ACO2: variants seen among roughly 807,000 people sequenced by gnomAD.
The protein encoded by ACO2 is aconitate hydratase, mitochondrial.
ACO2 carries 31 observed loss-of-function variants against 84.5 expected under a neutral mutation model. The ratio of observed to expected loss-of-function variants is 0.37; its 90% confidence interval spans 0.28 to 0.50. The LOEUF is 0.50. Ranked by LOEUF, ACO2 falls within the 20% of genes least tolerant of loss-of-function variation. The pLI is 0.97. For missense variants in ACO2, 685 were observed against 1,029.3 expected, an observed-to-expected ratio of 0.67 and a Z score of 4.58; for synonymous variants, 414 against 412.7, an observed-to-expected ratio of 1.00 and a Z score of -0.04.
At chr22:41,472,276 C>A (rs1398130227) in intron 1 of ACO2, among the ~76,000 whole-genome samples, 1 of 151,908 alleles carries the variant, frequency 6.6e-6, no homozygotes, top group Non-Finnish European at 1.5e-5. Flanking sequence ...TCCCTTGAAC[C>A]CAGGAGGCGG....
At chr22:41,499,300 A>G (rs1336745558) in intron 1 of ACO2, among the ~76,000 whole-genome samples, 1 of 152,212 alleles carries the variant, frequency 6.6e-6, no homozygotes, top group Non-Finnish European at 1.5e-5. Flanking sequence ...CTTATAGTGC[A>G]GGTAGACTAA....
At chr22:41,480,684 G>C (rs2038076318) in intron 1 of ACO2, among the ~76,000 whole-genome samples, 1 of 152,160 alleles carries the variant, frequency 6.6e-6, no homozygotes, top group Non-Finnish European at 1.5e-5. Context: ...TTTTGTAATA[G>C]AATGCAGTAT....
chr22:41,522,539 C>T (rs926227713), intron 9 of ACO2, among the ~76,000 whole-genome samples: 3 of 152,226 alleles, frequency 2.0e-5, no homozygotes, highest in Admixed American at 6.5e-5. Context: ...AGCCCTCTGA[C>T]GTGCCTACAC....
chr22:41,523,733 G>C, intron 11 of ACO2, 97 bp from the exon 12 acceptor site: 1 of 1,136,536 alleles, frequency 8.8e-7, no homozygotes, highest in Non-Finnish European at 1.3e-6. Flanking sequence ...GTAGGAGCTA[G>C]GCTGGGCTGC....
chr22:41,519,063 G>A (rs577936391), intron 8 of ACO2, among the ~76,000 whole-genome samples: 7 of 152,336 alleles, frequency 4.6e-5, no homozygotes, highest in South Asian at 4.1e-4. Flanking sequence ...ACACAGCCAC[G>A]GGGAGAGCAG....
chr22:41,526,977 G>A (rs1052330879), intron 15 of ACO2: 34 of 462,582 alleles, frequency 7.4e-5, no homozygotes, highest in East Asian at 4.0e-4. Flanking sequence ...TGTGGGGCCC[G>A]GAGGCCGTCC....
chr22:41,489,871 T>G (rs1418199691), intron 1 of ACO2, among the ~76,000 whole-genome samples: 1 of 152,188 alleles, frequency 6.6e-6, no homozygotes, highest in African/African-American at 2.4e-5. Flanking sequence ...ACAAAGGGTT[T>G]GCACATTTCA....
intron 1 of ACO2, among the ~76,000 whole-genome samples, chr22:41,494,890 C>A (rs1055056377): frequency 6.6e-6 from 1 of 151,480 alleles, no homozygotes; most frequent in Non-Finnish European, 1.5e-5. Context: ...TCTGCCACCA[C>A]ACCCTGCTAA....
chr22:41,474,514 C>T (rs912694999), intron 1 of ACO2, among the ~76,000 whole-genome samples: 2 of 147,824 alleles, frequency 1.4e-5, no homozygotes, highest in Non-Finnish European at 3.0e-5. Context: ...AGGATGGTCT[C>T]AATCTCCTGA....
chr22:41,472,366 A>T (rs1253166953), intron 1 of ACO2, among the ~76,000 whole-genome samples: 2 of 152,064 alleles, frequency 1.3e-5, no homozygotes, highest in African/African-American at 2.4e-5. Flanking sequence ...AAAAAAAAAA[A>T]AAAATTGCCT....
In ACO2 at chr22:41,515,737, C is replaced by G; in HGVS notation, c.685-30C>G. On this transcript the variant is annotated intron_variant, in intron 5 of 17. Transcript: ENST00000216254. This position sits in a 1 kb window ranked among gnomAD's most constrained non-coding sequence, Gnocchi z 5.8. The stretch of plus-strand genomic sequence containing the variant: ...TGGCTGGCACAGGCACACACGGCCT[C>G]TCACAGCCGCCTCGCCCCCTCCTGT... 6.2e-7 allele frequency: 1 copy of G among 1,612,262 alleles called. No homozygotes were observed. The highest frequency in any genetic ancestry group is 8.5e-7 in the Non-Finnish European group (1 of 1,179,780).
intron 1 of ACO2, among the ~76,000 whole-genome samples, chr22:41,491,222 A>G (rs1245129064): frequency 2.0e-5 from 3 of 152,052 alleles, no homozygotes; most frequent in South Asian, 2.1e-4. Flanking sequence ...GTTCTGGCCA[A>G]GGAGGTTCAT....
chr22:41,528,759 C>A lies in ACO2; in HGVS notation c.*146C>A. 1 of 1,219,570 alleles carries A rather than the reference C, an allele frequency of 8.2e-7. No homozygotes were observed. The highest frequency in any genetic ancestry group is 1.1e-6 in the Non-Finnish European group (1 of 904,608). 75.5% of individuals were successfully genotyped at this position (1,219,570 alleles called of 1,614,324 possible). ...GCTCCCCGCTTAGCCCACGGAGTGA[C>A]TGTGGTTGTGGTGGGGGGGTTCTTA... On this transcript the variant is annotated 3_prime_UTR_variant, in exon 18 of 18. Transcript: ENST00000216254.
Position 41,524,847 on chromosome 22 carries a change from T to G in ACO2, c.1484T>G (p.Ile495Ser). 1.2e-6 allele frequency: 2 copies of G among 1,614,102 alleles called. No individual in the cohort carries two copies. ...ETHAFVTSPE[I>S]VTALAIAGTL... ...ACAAACTGGCCACCTCCATTTCAGA[T>G]TGTCACAGCCCTGGCCATTGCGGGA... The change falls in exon 13 of 18, where the codon ATT (isoleucine) becomes AGT (serine). Residue 495 changes from isoleucine (I) to serine (S), a missense_variant and splice_region_variant. By Grantham distance (142) the Ile-to-Ser change is moderately radical (BLOSUM62 -2). Transcript: ENST00000216254.
intron 1 of ACO2, among the ~76,000 whole-genome samples, chr22:41,486,760 G>GCTCCCGGCCCATTGTGTAGCATTT (rs1374056142): frequency 6.6e-6 from 1 of 152,066 alleles, no homozygotes; most frequent in East Asian, 1.9e-4. Context: ...GTGAGCCATT[G>GCTCCCGGCCCATTGTGTAGCATTT]CTCCCGGCCC....
chr22:41,469,983 G>A (rs1453715617), intron 1 of ACO2, among the ~76,000 whole-genome samples: 1 of 152,166 alleles, frequency 6.6e-6, no homozygotes, highest in Non-Finnish European at 1.5e-5. Context: ...ATGAACCACG[G>A]TGCAATTATT....
At chr22:41,527,066 C>G in intron 15 of ACO2, 1 of 635,542 alleles carries the variant, frequency 1.6e-6, no homozygotes, top group East Asian at 2.8e-5. Flanking sequence ...TTTGCCACTG[C>G]AAACAACCAC....
At chr22:41,528,143 G>A (rs957867386) in intron 17 of ACO2, 121 bp downstream of exon 17, 3 of 1,448,876 alleles carry the variant, frequency 2.1e-6, no homozygotes, top group African/African-American at 2.8e-5. Flanking sequence ...AAGGCCCCCA[G>A]TTCTCCAGGT....
At chr22:41,513,844 G>A (rs569290482) in intron 4 of ACO2, among the ~76,000 whole-genome samples, 5 of 152,262 alleles carry the variant, frequency 3.3e-5, no homozygotes, top group South Asian at 2.1e-4. Flanking sequence ...CCCACAGACC[G>A]GGGAGCTCAC....
Sources: allele counts gnomAD v4.1 joint callset (sites outside exome capture counted in the v4.1 genomes callset), GRCh38; gene constraint gnomAD v4.1.1; non-coding constraint Gnocchi (gnomAD v3.1); transcripts MANE v1.5; gene names NCBI Gene and HGNC (gene_info 2026-07-23, HGNC 2026-07-21).